The following CACNA2D3 variants were observed in gnomAD, a reference collection of about 807,000 sequenced individuals.
CACNA2D3 encodes the protein calcium voltage-gated channel auxiliary subunit alpha2delta 3, also known as voltage-dependent calcium channel subunit alpha-2/delta-3.
Under a neutral mutation model 160.6 loss-of-function variants are expected in CACNA2D3, and 60 were observed. That is an observed-to-expected ratio of 0.37 (90% CI 0.30 to 0.46). CACNA2D3 has a LOEUF of 0.46. CACNA2D3 is among the 20% of genes least tolerant of loss of function. The probability of loss-of-function intolerance (pLI) is 1.00; values close to 1 mark genes in which losing one functional copy is unlikely to be tolerated. For missense variants in CACNA2D3, 1,205 were observed against 1,365.0 expected, an observed-to-expected ratio of 0.88 and a Z score of 1.85; for synonymous variants, 558 against 492.9, an observed-to-expected ratio of 1.13 and a Z score of -1.75.
At chr3:54,695,002 C>A (rs1339574640) in intron 11 of CACNA2D3, among the ~76,000 whole-genome samples, 1 of 152,088 alleles carries the variant, frequency 6.6e-6, no homozygotes, top group African/African-American at 2.4e-5. Flanking sequence ...CATGTCATTA[C>A]CACTTTGTCA....
chr3:55,012,592 A>G (rs1377964817), intron 34 of CACNA2D3, among the ~76,000 whole-genome samples: 1 of 152,076 alleles, frequency 6.6e-6, no homozygotes, highest in East Asian at 1.9e-4. Flanking sequence ...TGCCTAGAAC[A>G]GTGGTTTTCA....
chr3:54,260,351 T>C (rs1316798075), intron 2 of CACNA2D3, among the ~76,000 whole-genome samples: 4 of 152,190 alleles, frequency 2.6e-5, no homozygotes, highest in Non-Finnish European at 5.9e-5. Flanking sequence ...AATATATTTT[T>C]TATAGTTTTG....
chr3:54,278,751 G>A (rs112645555), intron 2 of CACNA2D3, among the ~76,000 whole-genome samples: 2 of 151,860 alleles, frequency 1.3e-5, no homozygotes, highest in African/African-American at 2.4e-5. Context: ...ACCAAACACC[G>A]CATGTTCTCA....
chr3:54,303,942 T>G (rs1316548330), intron 2 of CACNA2D3, among the ~76,000 whole-genome samples: 1 of 150,820 alleles, frequency 6.6e-6, no homozygotes, highest in Non-Finnish European at 1.5e-5. Flanking sequence ...TGGGACAGAA[T>G]TTCAGCTACT....
At chr3:54,872,888 T>C (rs1043780385) in intron 18 of CACNA2D3, among the ~76,000 whole-genome samples, 4 of 152,134 alleles carry the variant, frequency 2.6e-5, no homozygotes, top group African/African-American at 9.7e-5. Flanking sequence ...TATCTTCTTA[T>C]TCCTTAAACA....
chr3:54,384,560 A>G (rs1699157749), intron 3 of CACNA2D3, among the ~76,000 whole-genome samples: 1 of 152,196 alleles, frequency 6.6e-6, no homozygotes, highest in South Asian at 2.1e-4. Flanking sequence ...TGATTTTAGG[A>G]AGAGAGTGAC....
intron 18 of CACNA2D3, among the ~76,000 whole-genome samples, chr3:54,876,637 T>C (rs1699666506): frequency 6.6e-6 from 1 of 152,234 alleles, no homozygotes; most frequent in Non-Finnish European, 1.5e-5. Flanking sequence ...AAGCAGAGGT[T>C]AAGAGCATGG....
At chr3:54,791,492 AAATT>A (rs1294793331) in intron 13 of CACNA2D3, among the ~76,000 whole-genome samples, 4 of 152,248 alleles carry the variant, frequency 2.6e-5, no homozygotes, top group African/African-American at 4.8e-5. Context: ...TTAAAAAGAA[AAATT>A]AATTATTTAT....
At chr3:54,347,882 C>A (rs1344150462) in intron 3 of CACNA2D3, among the ~76,000 whole-genome samples, 1 of 152,108 alleles carries the variant, frequency 6.6e-6, no homozygotes, top group Non-Finnish European at 1.5e-5. Context: ...GCAGTACCCT[C>A]CCATGGGGCT....
intron 23 of CACNA2D3, among the ~76,000 whole-genome samples, chr3:54,887,686 C>T (rs1228905881): frequency 1.3e-5 from 2 of 152,108 alleles, no homozygotes; most frequent in Admixed American, 6.5e-5. Flanking sequence ...GCAGGAACCA[C>T]GAGATGGGGT....
At chr3:54,749,605 C>T (rs112404185) in intron 11 of CACNA2D3, among the ~76,000 whole-genome samples, 1 of 152,078 alleles carries the variant, frequency 6.6e-6, no homozygotes, top group African/African-American at 2.4e-5. Flanking sequence ...AATTTCTCTC[C>T]AAAATATTTC....
intron 17 of CACNA2D3, among the ~76,000 whole-genome samples, chr3:54,860,180 CAG>C (rs1165293448): frequency 1.3e-5 from 2 of 152,072 alleles, no homozygotes; most frequent in African/African-American, 4.8e-5. Flanking sequence ...GAAATAGAAA[CAG>C]ATGAAAGAGG....
intron 20 of CACNA2D3, among the ~76,000 whole-genome samples, 171 bp downstream of exon 20, chr3:54,879,582 G>T (rs78258914): frequency 1.6e-4 from 24 of 152,134 alleles, no homozygotes; most frequent in Non-Finnish European, 3.1e-4. Flanking sequence ...TTCCAGAAGG[G>T]GGGGAGATGG....
intron 2 of CACNA2D3, among the ~76,000 whole-genome samples, chr3:54,288,537 A>G (rs1703095159): frequency 6.6e-6 from 1 of 152,190 alleles, no homozygotes; most frequent in African/African-American, 2.4e-5. Flanking sequence ...ATTCCAATCA[A>G]TAGAAAAAGA....
At chr3:54,646,135 CTT>C (rs1307579471) in intron 11 of CACNA2D3, among the ~76,000 whole-genome samples, 4,631 of 33,352 alleles carry the variant, frequency 0.14, 834 homozygotes, top group Non-Finnish European at 0.27. Context: ...TTCTTCCTTC[CTT>C]CCTTCCTTCC....
At chr3:54,751,006 G>A (rs1157511002) in intron 11 of CACNA2D3, among the ~76,000 whole-genome samples, 4 of 151,984 alleles carry the variant, frequency 2.6e-5, no homozygotes, top group Non-Finnish European at 5.9e-5. Flanking sequence ...TCCTGACCTC[G>A]TGATCTGCCC....
At chr3:55,021,070 T>C (rs1234801076) in intron 35 of CACNA2D3, among the ~76,000 whole-genome samples, 1 of 152,160 alleles carries the variant, frequency 6.6e-6, no homozygotes, top group Non-Finnish European at 1.5e-5. Context: ...TGGAATCCAG[T>C]ATCTGTTTCT....
chr3:54,246,565 TGTCTGTAATCCCAGCTACTTGGGAGGC>T (rs1702083555), intron 2 of CACNA2D3, among the ~76,000 whole-genome samples: 6 of 2,034 alleles, frequency 2.9e-3, no homozygotes, highest in African/African-American at 0.023. Context: ...TGGTTGCGGC[TGTCTGTAATCCCAGCTACTTGGGAGGC>T]GGCTGTCTGT....
At chr3:54,930,679 C>T (rs373340471) in intron 27 of CACNA2D3, among the ~76,000 whole-genome samples, 9 of 152,338 alleles carry the variant, frequency 5.9e-5, no homozygotes, top group African/African-American at 2.2e-4. Context: ...CTGGGAAAAT[C>T]CCAGGCTCTC....
Sources: allele counts gnomAD v4.1 joint callset (sites outside exome capture counted in the v4.1 genomes callset), GRCh38; gene constraint gnomAD v4.1.1; transcripts MANE v1.5; gene names NCBI Gene and HGNC (gene_info 2026-07-23, HGNC 2026-07-21).